SYT1: variants seen among roughly 807,000 people sequenced by gnomAD.
The protein encoded by SYT1 is synaptotagmin 1.
Under a neutral mutation model 44.8 loss-of-function variants are expected in SYT1, and 8 were observed. That is an observed-to-expected ratio of 0.18 (90% confidence interval 0.10 to 0.32). The LOEUF (loss-of-function observed/expected upper bound fraction) is 0.32. Among genes scored for constraint, SYT1 ranks in the 10% least tolerant of loss-of-function variants. The pLI is 1.00. For missense variants in SYT1, 286 were observed against 509.3 expected (o/e 0.56, Z 4.22); for synonymous variants, 154 against 188.8 (o/e 0.82, Z 1.51).
chr12:79,168,915 T>C (rs1481733210), intron 3 of SYT1, among the ~76,000 whole-genome samples: 1 of 152,054 alleles, frequency 6.6e-6, no homozygotes, highest in East Asian at 1.9e-4. Flanking sequence ...TTCCCTCATC[T>C]TTAAGTTTTC....
rs182535961 is a variant in SYT1 at position 79,009,299 on chromosome 12, T to A, written c.-84+31368T>A. The stretch of plus-strand genomic sequence containing the variant: ...ACCATTTAGATAAAGAGCCCTCTGG[T>A]TTTTGTTTGTTTGTTTTGTTTTGTT... On this transcript the variant is annotated intron_variant, in intron 2 of 10. Coordinates refer to ENST00000261205, the MANE Select transcript of SYT1 (RefSeq NM_005639.3). Among the ~76,000 whole-genome samples the A allele has an allele frequency of 2.2e-3, 330 of 151,052 alleles. 4 individuals are homozygous for A. Among genetic ancestry groups the A allele is most frequent in the African/African-American group, 7.9e-3 (322 of 40,952 alleles).
chr12:78,988,660 G>T (rs921758125), intron 2 of SYT1, among the ~76,000 whole-genome samples: 1 of 151,932 alleles, frequency 6.6e-6, no homozygotes, highest in African/African-American at 2.4e-5. Context: ...GAGTGAGTGA[G>T]GAAATATACT....
intron 9 of SYT1, among the ~76,000 whole-genome samples, chr12:79,432,602 TA>T (rs1198813128): frequency 6.6e-6 from 1 of 152,080 alleles, no homozygotes; most frequent in Admixed American, 6.5e-5. Context: ...GAAACTCCCT[TA>T]AAAAAATAAG....
At chr12:79,371,757 C>CATTTGAGATAAA (rs1302910760) in intron 9 of SYT1, among the ~76,000 whole-genome samples, 3 of 152,194 alleles carry the variant, frequency 2.0e-5, no homozygotes, top group Non-Finnish European at 4.4e-5. Context: ...TTTCAGAAGT[C>CATTTGAGATAAA]ATGCCTCAGA....
At chr12:79,289,713 G>A (rs188880217) in intron 5 of SYT1, among the ~76,000 whole-genome samples, 30 of 152,220 alleles carry the variant, frequency 2.0e-4, no homozygotes, top group African/African-American at 6.7e-4. Context: ...TCAAACAGAA[G>A]TAGATGTTAA....
chr12:79,038,930 G>A (rs552134476), intron 2 of SYT1, among the ~76,000 whole-genome samples: 1 of 152,126 alleles, frequency 6.6e-6, no homozygotes, highest in East Asian at 1.9e-4. Context: ...GTAAATATGA[G>A]TTGTCATTCT....
intron 8 of SYT1, among the ~76,000 whole-genome samples, chr12:79,301,727 C>T (rs1880161268): frequency 6.6e-6 from 1 of 152,018 alleles, no homozygotes; most frequent in Non-Finnish European, 1.5e-5. Context: ...TATCCTTTTT[C>T]TCACCATTGC....
chr12:79,126,736 C>T (rs984988274), intron 3 of SYT1, among the ~76,000 whole-genome samples: 1 of 152,072 alleles, frequency 6.6e-6, no homozygotes, highest in Non-Finnish European at 1.5e-5. Flanking sequence ...TCCTAGATGT[C>T]CTGGATTAGT....
intron 3 of SYT1, among the ~76,000 whole-genome samples, chr12:79,126,611 A>T (rs899273432): frequency 5.9e-5 from 9 of 152,222 alleles, no homozygotes; most frequent in African/African-American, 2.2e-4. Context: ...CCAGTGAAAT[A>T]GCGACTTTGG....
intron 1 of SYT1, among the ~76,000 whole-genome samples, chr12:78,874,314 GT>G (rs1337959165): frequency 6.6e-6 from 1 of 151,496 alleles, no homozygotes; most frequent in Admixed American, 6.6e-5. Flanking sequence ...ACTCATAAAT[GT>G]CAGAAGAAGA....
rs148416400 is a variant in SYT1 at position 79,084,887 on chromosome 12, C to G, written c.-18+37525C>G. Among the ~76,000 whole-genome samples, 758 of 151,854 alleles carry G rather than the reference C, an allele frequency of 5.0e-3. 6 individuals carry two copies. Among genetic ancestry groups the G allele is most frequent in the Middle Eastern group, 0.014 (4 of 292 alleles). ...TATCCTGTAGCCAAAATGCTTGGGA[C>G]CAGAAGTGTTTTGAATTTTTTGATT... On this transcript the variant is annotated intron_variant, in intron 3 of 10. Coordinates refer to ENST00000261205, the MANE Select transcript of SYT1 (RefSeq NM_005639.3).
intron 8 of SYT1, among the ~76,000 whole-genome samples, chr12:79,316,613 T>C (rs1160375724): frequency 6.6e-6 from 1 of 152,202 alleles, no homozygotes; most frequent in African/African-American, 2.4e-5. Context: ...TCATGTTTTC[T>C]TTTCATTCTC....
At chr12:78,986,453 C>T (rs1055878390) in intron 2 of SYT1, among the ~76,000 whole-genome samples, 2 of 151,856 alleles carry the variant, frequency 1.3e-5, no homozygotes, top group African/African-American at 4.8e-5. Context: ...TTTTAGCTAA[C>T]ATATTTTACT....
intron 1 of SYT1, among the ~76,000 whole-genome samples, chr12:78,940,556 A>ATTTT (rs540879064): frequency 6.7e-5 from 10 of 149,010 alleles, no homozygotes; most frequent in African/African-American, 2.5e-4. Flanking sequence ...TGCACAGCTG[A>ATTTT]TTTTTTTTTT....
chr12:79,450,049 C>T lies in SYT1; in HGVS notation c.*925C>T, dbSNP rs1870967098. 6.6e-6 allele frequency: 1 copy of T among 151,950 alleles called. No individual in the cohort carries two copies. The highest frequency in any genetic ancestry group is 2.1e-4 in the South Asian group (1 of 4,822). 9.4% of individuals were successfully genotyped at this position (151,950 alleles called of 1,614,324 possible). A position where few individuals can be genotyped will look rare whatever the true frequency, so the allele number is the denominator to read the frequency against. ...TGACTATTTAAAAAGAAAAAAGTAG[C>T]TCTCCATTATCACCTTTATACAAAA... On this transcript the variant is annotated 3_prime_UTR_variant, in exon 11 of 11. Coordinates refer to ENST00000261205, the MANE Select transcript of SYT1 (RefSeq NM_005639.3).
chr12:79,085,747 T>A (rs758173946), intron 3 of SYT1, among the ~76,000 whole-genome samples: 5 of 152,146 alleles, frequency 3.3e-5, no homozygotes, highest in Admixed American at 6.6e-5. Context: ...ACAGCAGTTA[T>A]CAGGTCTGTT....
At chr12:79,036,541 C>T (rs760001690) in intron 2 of SYT1, 4 of 151,682 alleles carry the variant, frequency 2.6e-5, no homozygotes, top group Middle Eastern at 3.2e-3. Context: ...GGATGCTAAA[C>T]GTGGAAGCAG....
chr12:79,043,331 T>C (rs1219480034), intron 2 of SYT1, among the ~76,000 whole-genome samples: 2 of 151,458 alleles, frequency 1.3e-5, no homozygotes, highest in African/African-American at 4.9e-5. Flanking sequence ...GCATATATAT[T>C]TGGGATAGTT....
At chr12:79,214,679 A>G (rs564420417) in intron 3 of SYT1, among the ~76,000 whole-genome samples, 2 of 152,338 alleles carry the variant, frequency 1.3e-5, no homozygotes, top group East Asian at 1.9e-4. Flanking sequence ...GACCAGCAAC[A>G]ATATCCCACC....
Sources: gnomAD v4.1 joint callset for allele counts (sites outside exome capture counted in the v4.1 genomes callset) on GRCh38, gnomAD v4.1.1 for gene constraint, MANE v1.5 for transcripts, NCBI Gene and HGNC (gene_info 2026-07-23, HGNC 2026-07-21) for gene names.